ANLN: variants seen among roughly 807,000 people sequenced by gnomAD.
ANLN encodes anillin, actin binding protein.
ANLN carries 59 observed loss-of-function variants against 135.1 expected under a neutral mutation model. That is an observed-to-expected ratio of 0.44 (90% confidence interval 0.35 to 0.54). The LOEUF (loss-of-function observed/expected upper bound fraction) is 0.54. Ranked by LOEUF, ANLN falls within the 20% of genes least tolerant of loss-of-function variation. ANLN has a pLI of 0.00. For synonymous variants in ANLN, 406 were observed against 456.4 expected, an observed-to-expected ratio of 0.89 and a Z score of 1.41; for missense variants, 1,182 against 1,340.0, an observed-to-expected ratio of 0.88 and a Z score of 1.84.
At chr7:36,412,829 CCCATGTTTTTAT>C (rs1267452710) in intron 7 of ANLN, among the ~76,000 whole-genome samples, 2 of 152,138 alleles carry the variant, frequency 1.3e-5, no homozygotes, top group African/African-American at 4.8e-5. Context: ...CTCAAATATA[CCCATGTTTTTAT>C]ATCTCTCTGC....
At chr7:36,425,672 A>G (rs1290653941) in intron 17 of ANLN, 30 bp from the exon 18 acceptor site, 3 of 1,526,552 alleles carry the variant, frequency 2.0e-6, no homozygotes, top group African/African-American at 1.4e-5. Context: ...TTAATAAGAA[A>G]TATATATAGT....
rs550389578 is a variant in ANLN, at chr7:36,449,008, T to C, written c.3079-657T>C. ...CCAATCAACAGAGGTTGTTACTGTTTTTTCCAGACTTAGCCAATCTAAGGT... is the reference window on the plus strand; with the variant it reads ...CCAATCAACAGAGGTTGTTACTGTTCTTTCCAGACTTAGCCAATCTAAGGT... On this transcript the variant is annotated intron_variant, in intron 22 of 23. Transcript: ENST00000265748. 8.5e-5 allele frequency: 13 copies of C among 152,340 alleles called. No homozygotes were observed. The East Asian group carries it at 2.3e-3, about 27-fold the overall frequency. The allele number at this position is 152,340 out of a possible 1,614,324, so 9.4% of individuals were successfully genotyped here.
At position 36,406,449 on chromosome 7, in the gene ANLN, T is replaced by C; in HGVS notation, c.756T>C (p.Ser252=). The C allele has an allele frequency of 1.9e-6, 3 of 1,612,598 alleles. No individual in the cohort carries two copies. The highest frequency in any genetic ancestry group is 2.5e-6 in the Non-Finnish European group (3 of 1,178,842). Residue 252 remains serine, a synonymous_variant, in exon 4 of 24, where the codon AGT becomes AGC. Coordinates refer to ENST00000265748, the MANE Select transcript of ANLN (RefSeq NM_018685.5). Reference sequence around the variant, plus strand: ...CATCTGCTAGGATCAATAGCAGCAGTGTTAAGCAGGAAGCTACATTCTGTT... The same window carrying C: ...CATCTGCTAGGATCAATAGCAGCAGCGTTAAGCAGGAAGCTACATTCTGTT... ...SGASARINSS[S]VKQEATFCSQ...
At chr7:36,439,561 G>A (rs141725604) in intron 21 of ANLN, among the ~76,000 whole-genome samples, 1 of 152,216 alleles carries the variant, frequency 6.6e-6, no homozygotes, top group Admixed American at 6.5e-5. Context: ...AGAAAACAGG[G>A]TGCATCGGTG....
Position 36,411,179 on chromosome 7 carries a change from A to G in ANLN, c.1395+13A>G. 6.3e-7 allele frequency: 1 copy of G among 1,588,710 alleles called. No individual in the cohort carries two copies. The highest frequency in any genetic ancestry group is 8.5e-7 in the Non-Finnish European group (1 of 1,172,168). Reference sequence around the variant, plus strand: ...AGAAACCAAACAGGTAATGTAAACAAGAAATATAAAAACGAACTTGGTCCC... The same window carrying G: ...AGAAACCAAACAGGTAATGTAAACAGGAAATATAAAAACGAACTTGGTCCC... On this transcript the variant is annotated intron_variant, in intron 7 of 23. Transcript: ENST00000265748.
chr7:36,413,655 A>G (rs947226365), intron 7 of ANLN, among the ~76,000 whole-genome samples: 4 of 152,208 alleles, frequency 2.6e-5, no homozygotes, highest in Middle Eastern at 3.2e-3. Flanking sequence ...CAGACTAAGC[A>G]GCCAAAGAGC....
At chr7:36,439,087 T>C (rs1474221969) in intron 20 of ANLN, 117 bp from the exon 21 acceptor site, 1 of 719,926 alleles carries the variant, frequency 1.4e-6, no homozygotes. Context: ...ACTCCAACTT[T>C]AGAAAATGCT....
At chr7:36,452,432 T>A (rs1194643840) in intron 23 of ANLN, 45 bp from the exon 24 acceptor site, 1 of 1,611,920 alleles carries the variant, frequency 6.2e-7, no homozygotes, top group Admixed American at 1.7e-5. Context: ...GGGTATGGAA[T>A]GGAGGGAGAA....
intron 8 of ANLN, among the ~76,000 whole-genome samples, chr7:36,416,254 C>T (rs1370784745): frequency 7.9e-5 from 12 of 152,254 alleles, no homozygotes; most frequent in South Asian, 2.1e-4. Context: ...CTCCTGACCT[C>T]GTGATCTGCT....
At chr7:36,442,942 G>GT (rs71553067) in intron 21 of ANLN, among the ~76,000 whole-genome samples, 61,357 of 147,422 alleles carry the variant, frequency 0.42, 12,850 homozygotes, top group Non-Finnish European at 0.46. Context: ...TTTGTTTGTT[G>GT]TTTTTTTTTT....
chr7:36,449,782 G>C lies in ANLN; in HGVS notation c.3196G>C (p.Glu1066Gln). The change falls in exon 23 of 24, where the codon GAA becomes CAA. Residue 1066 changes from glutamate (E) to glutamine (Q), a missense_variant. Physicochemically the swap from Glu to Gln is conservative, Grantham distance 29. Coordinates refer to ENST00000265748, the MANE Select transcript of ANLN (RefSeq NM_018685.5). ...ATTAATTACTGTCCGACCACAAAGA[G>C]AAGATGACCGAGAGACTCTTGTCAG... ...FELITVRPQR[E>Q]DDRETLVSQC... 6.2e-7 allele frequency: 1 copy of C among 1,614,052 alleles called. No homozygotes were observed. Among genetic ancestry groups the C allele is most frequent in the Admixed American group, 1.7e-5 (1 of 60,012 alleles).
At chr7:36,443,161 T>A (rs984156446) in intron 21 of ANLN, among the ~76,000 whole-genome samples, 1 of 152,170 alleles carries the variant, frequency 6.6e-6, no homozygotes, top group African/African-American at 2.4e-5. Flanking sequence ...ATAGCTAGCA[T>A]CCCTAAGGAC....
In ANLN at chr7:36,452,617, G is replaced by A. The variant is rs763876476; in HGVS notation, c.*17G>A. ...AAGCCTTAAACCGGGAAATTTCCAT[G>A]CTATCTAGAGGTTTTTGATGTCATC... On this transcript the variant is annotated 3_prime_UTR_variant, in exon 24 of 24. Coordinates refer to ENST00000265748, the MANE Select transcript of ANLN (RefSeq NM_018685.5). 1 of 1,613,498 alleles carries A rather than the reference G, an allele frequency of 6.2e-7. No individual in the cohort carries two copies. The highest frequency in any genetic ancestry group is 8.5e-7 in the Non-Finnish European group (1 of 1,179,674).
At chr7:36,428,448 CT>C (rs1363374192) in intron 20 of ANLN, 3 of 680,964 alleles carry the variant, frequency 4.4e-6, no homozygotes, top group Non-Finnish European at 6.5e-6. Flanking sequence ...TACTAACTAT[CT>C]TTTTGTTTAC....
chr7:36,449,096 C>T (rs1789133915), intron 22 of ANLN: 1 of 152,154 alleles, frequency 6.6e-6, no homozygotes, highest in African/African-American at 2.4e-5. Context: ...CACTTATTGG[C>T]TGTTGGCTCA....
In ANLN at chr7:36,406,374, A is replaced by C. The variant is rs973406088; in HGVS notation, c.681A>C (p.Gln227His). ...NHSFAKQNSV[Q>H]EQPGTACLSK... ...CATTTGCAAAACAAAACAGTGTACAAGAACAGCCTGGTACCGCTTGTTTAT... is the reference window on the plus strand; with the variant it reads ...CATTTGCAAAACAAAACAGTGTACACGAACAGCCTGGTACCGCTTGTTTAT... Residue 227 changes from glutamine (Q) to histidine (H), a missense_variant, in exon 4 of 24, where the codon CAA becomes CAC. Coordinates refer to ENST00000265748, the MANE Select transcript of ANLN (RefSeq NM_018685.5). 3 of 1,614,044 alleles carry C rather than the reference A, an allele frequency of 1.9e-6. No homozygotes were observed. The highest frequency in any genetic ancestry group is 2.5e-6 in the Non-Finnish European group (3 of 1,179,968).
chr7:36,414,100 G>T (rs567987693), intron 7 of ANLN, among the ~76,000 whole-genome samples: 1 of 152,302 alleles, frequency 6.6e-6, no homozygotes, highest in South Asian at 2.1e-4. Flanking sequence ...AATCTACTGG[G>T]TTTTGAAGCA....
At chr7:36,417,229 T>C in intron 9 of ANLN, 39 bp downstream of exon 9, 1 of 1,123,896 alleles carries the variant, frequency 8.9e-7, no homozygotes, top group Non-Finnish European at 1.3e-6. Context: ...ACTTTGCACA[T>C]ACTATAGGAA....
In ANLN at chr7:36,422,617, G is replaced by A; in HGVS notation, c.2300-16G>A. ...TTACGATTTTAATATTTGGAATATT[G>A]CGTTGTTTTACATAGCTGGGAAGAG... On this transcript the variant is annotated splice_polypyrimidine_tract_variant and intron_variant, in intron 13 of 23. Transcript: ENST00000265748. The A allele has an allele frequency of 1.9e-6, 3 of 1,568,536 alleles. No homozygotes were observed. Among genetic ancestry groups the A allele is most frequent in the Non-Finnish European group, 2.6e-6 (3 of 1,163,056 alleles).
Sources: allele counts gnomAD v4.1 joint callset (sites outside exome capture counted in the v4.1 genomes callset), GRCh38; gene constraint gnomAD v4.1.1; transcripts MANE v1.5; gene names NCBI Gene and HGNC (gene_info 2026-07-23, HGNC 2026-07-21).